Variants in CDH18 observed in about 807,000 individuals in gnomAD.
CDH18 encodes cadherin-18.
In CDH18, 31 loss-of-function variants were observed where a neutral mutation model predicts 67.9. The observed-to-expected ratio is 0.46, with a 90% CI of 0.34 to 0.62. CDH18 has a LOEUF of 0.62. Among genes scored for constraint, CDH18 ranks in the 20% least tolerant of loss-of-function variants. The pLI is 0.01. For missense variants in CDH18, 890 were observed against 975.5 expected (o/e 0.91, Z 1.17); for synonymous variants, 362 against 347.2 (o/e 1.04, Z -0.48).
intron 2 of CDH18, among the ~76,000 whole-genome samples, chr5:20,055,915 G>T (rs113249274): frequency 0.021 from 3,021 of 146,432 alleles, 46 homozygotes; most frequent in African/African-American, 0.034. Flanking sequence ...TGTGGAGAAA[G>T]ATTTGGCTTT....
chr5:20,229,207 G>T (rs956567859), intron 2 of CDH18, among the ~76,000 whole-genome samples: 1 of 151,966 alleles, frequency 6.6e-6, no homozygotes, highest in African/African-American at 2.4e-5. Context: ...TGATTTAAAA[G>T]CCCAGAATTT....
At chr5:20,474,517 A>T (rs748022438) in intron 1 of CDH18, among the ~76,000 whole-genome samples, 9 of 152,218 alleles carry the variant, frequency 5.9e-5, no homozygotes, top group Non-Finnish European at 1.2e-4. Context: ...TTTAAGAATC[A>T]GCTCTTATAG....
chr5:20,411,508 GA>G (rs886650430), intron 1 of CDH18, among the ~76,000 whole-genome samples: 1 of 151,968 alleles, frequency 6.6e-6, no homozygotes, highest in Non-Finnish European at 1.5e-5. Context: ...AAGCATAGAG[GA>G]AAAGCTTCAT....
chr5:19,815,870 G>T (rs1498097), intron 3 of CDH18, among the ~76,000 whole-genome samples: 5,556 of 151,834 alleles, frequency 0.037, 319 homozygotes, highest in African/African-American at 0.13. Flanking sequence ...GTTTAATAAA[G>T]AAATCTACAC....
intron 2 of CDH18, among the ~76,000 whole-genome samples, chr5:19,961,997 A>T (rs565814028): frequency 2.0e-5 from 3 of 152,016 alleles, no homozygotes; most frequent in African/African-American, 7.2e-5. Context: ...TCTCCTGTAG[A>T]TATTATAAAT....
At chr5:19,639,762 G>A (rs544810531) in intron 5 of CDH18, among the ~76,000 whole-genome samples, 3 of 152,230 alleles carry the variant, frequency 2.0e-5, no homozygotes, top group African/African-American at 7.2e-5. Context: ...ACTGCAACAG[G>A]CATGCTGACA....
intron 1 of CDH18, among the ~76,000 whole-genome samples, chr5:20,370,563 C>A (rs533484343): frequency 1.3e-5 from 2 of 152,210 alleles, no homozygotes; most frequent in South Asian, 4.1e-4. Flanking sequence ...CTACTAGGTG[C>A]TGCCCTATAT....
At chr5:19,818,330 G>A (rs2149931457) in intron 3 of CDH18, among the ~76,000 whole-genome samples, 1 of 152,186 alleles carries the variant, frequency 6.6e-6, no homozygotes, top group African/African-American at 2.4e-5. Flanking sequence ...TGAGCATTAT[G>A]ATGTATGACA....
rs114415794 is a variant in CDH18 at position 20,349,706 on chromosome 5, T to A, written c.-579-94201A>T. ...AGTTTAATGAATGTTATTTTTCATA[T>A]TTAACACTCTATTGCACATGTCCAA... On this transcript the variant is annotated intron_variant, in intron 1 of 14. Transcript: ENST00000507958. Among the ~76,000 whole-genome samples, 1,133 of 152,240 alleles carry A rather than the reference T, an allele frequency of 7.4e-3. 12 individuals carry two copies. The highest frequency in any genetic ancestry group is 0.026 in the African/African-American group (1,067 of 41,562).
At chr5:19,958,689 C>G (rs1185951735) in intron 2 of CDH18, among the ~76,000 whole-genome samples, 1 of 152,114 alleles carries the variant, frequency 6.6e-6, no homozygotes, top group Non-Finnish European at 1.5e-5. Context: ...CCCCAGGTAA[C>G]TGACACTCAT....
chr5:20,348,885 C>G (rs563949963), intron 1 of CDH18, among the ~76,000 whole-genome samples: 4 of 152,118 alleles, frequency 2.6e-5, no homozygotes, highest in Non-Finnish European at 5.9e-5. Flanking sequence ...TTTGTGCAAG[C>G]CCTAAAACAT....
intron 2 of CDH18, among the ~76,000 whole-genome samples, chr5:19,843,567 G>A (rs1378080024): frequency 3.3e-5 from 5 of 152,198 alleles, no homozygotes; most frequent in African/African-American, 4.8e-5. Flanking sequence ...ATGTGAGGTC[G>A]GACCCCCGAC....
intron 2 of CDH18, among the ~76,000 whole-genome samples, chr5:19,910,687 C>T (rs934404531): frequency 6.6e-6 from 1 of 152,076 alleles, no homozygotes; most frequent in African/African-American, 2.4e-5. Flanking sequence ...GAAGGCCATA[C>T]ATGATAATCA....
At chr5:20,300,461 T>C (rs1747888120) in intron 1 of CDH18, among the ~76,000 whole-genome samples, 1 of 152,112 alleles carries the variant, frequency 6.6e-6, no homozygotes, top group African/African-American at 2.4e-5. Context: ...CCACTAGGTT[T>C]GGGGAAGACA....
chr5:19,742,991 C>T lies in CDH18; in HGVS notation c.523+3951G>A, dbSNP rs749645866. 2.6e-4 allele frequency among the ~76,000 whole-genome samples: 39 copies of T among 152,020 alleles called. 1 individual carries two copies. The highest frequency in any genetic ancestry group is 1.6e-4 in the Non-Finnish European group (11 of 68,006). On this transcript the variant is annotated intron_variant, in intron 4 of 12. Coordinates refer to ENST00000382275, the MANE Select transcript of CDH18 (RefSeq NM_004934.5). ...ATTACATATTTAGAACCACTTATTC[C>T]TTTCATACCAAATAAAGCCACAACC...
At chr5:19,942,001 G>A (rs1000909419) in intron 2 of CDH18, among the ~76,000 whole-genome samples, 3 of 152,036 alleles carry the variant, frequency 2.0e-5, no homozygotes, top group Non-Finnish European at 4.4e-5. Context: ...AGCATTATAT[G>A]AGCCTAGACA....
intron 1 of CDH18, among the ~76,000 whole-genome samples, chr5:20,363,719 T>C (rs761990588): frequency 0.014 from 134 of 9,344 alleles, no homozygotes; most frequent in Non-Finnish European, 0.11. Flanking sequence ...GCAAAGTTAA[T>C]TTTTTTTTTT....
At chr5:19,530,450 T>A (rs966953006) in intron 9 of CDH18, among the ~76,000 whole-genome samples, 1 of 152,208 alleles carries the variant, frequency 6.6e-6, no homozygotes, top group Non-Finnish European at 1.5e-5. Context: ...ATTATTATTA[T>A]ACTTTAAGTT....
chr5:20,333,526 TATACACAC>T (rs1186236689), intron 1 of CDH18, among the ~76,000 whole-genome samples: 26 of 111,774 alleles, frequency 2.3e-4, no homozygotes, highest in African/African-American at 7.1e-4. Flanking sequence ...AAACAATATA[TATACACAC>T]ACACACACAC....
Sources: gnomAD v4.1 joint callset for allele counts (sites outside exome capture counted in the v4.1 genomes callset) on GRCh38, gnomAD v4.1.1 for gene constraint, MANE v1.5 for transcripts, NCBI Gene and HGNC (gene_info 2026-07-23, HGNC 2026-07-21) for gene names.